TBC1D4: variants seen among roughly 807,000 people sequenced by gnomAD.
TBC1D4 encodes the protein TBC1 domain family member 4.
A neutral mutation model predicts 142.5 loss-of-function variants in TBC1D4; 121 were observed. The observed-to-expected ratio is 0.85, with a 90% CI of 0.73 to 0.99. The LOEUF is 0.99. TBC1D4 is among the 50% of genes least tolerant of loss of function. The pLI is 0.00. For synonymous variants in TBC1D4, 630 were observed against 628.2 expected, an observed-to-expected ratio of 1.00 and a Z score of -0.04; for missense variants, 1,475 against 1,606.6, an observed-to-expected ratio of 0.92 and a Z score of 1.40.
intron 1 of TBC1D4, among the ~76,000 whole-genome samples, chr13:75,441,279 A>G (rs573149350): frequency 1.3e-5 from 2 of 152,252 alleles, no homozygotes; most frequent in Admixed American, 1.3e-4. Flanking sequence ...GAGGGGGTAC[A>G]AGGCATGATT....
In TBC1D4 at chr13:75,287,038, G is replaced by A. The variant is rs113718837; in HGVS notation, c.3664-13C>T. The A allele has an allele frequency of 8.7e-6, 14 of 1,604,180 alleles. No individual in the cohort carries two copies. Among genetic ancestry groups the A allele is most frequent in the Middle Eastern group, 3.3e-4 (2 of 6,060 alleles). On this transcript the variant is annotated splice_polypyrimidine_tract_variant and intron_variant, in intron 20 of 20. Coordinates refer to ENST00000377636, the MANE Select transcript of TBC1D4 (RefSeq NM_014832.5). ...TAGTATGAGCTACCTGTTTGGGGGG[G>A]AAAAAATCCTCCAAATCAAATGATT...
In TBC1D4 at chr13:75,427,327, G is replaced by A. The variant is rs183575175; in HGVS notation, c.498+53943C>T. On this transcript the variant is annotated intron_variant, in intron 1 of 20. Coordinates refer to ENST00000377636, the MANE Select transcript of TBC1D4 (RefSeq NM_014832.5). ...CCTGACCTCGTGATCCACCCGCCTC[G>A]GCCCAAAATATAAACTTTTAAGTAT... is the stretch of plus-strand genomic sequence containing the variant. 1.8e-4 allele frequency among the ~76,000 whole-genome samples: 27 copies of A among 152,100 alleles called. No individual in the cohort carries two copies. The East Asian group carries it at 4.3e-3, about 24-fold the overall frequency.
At chr13:75,453,197 T>A (rs1197142992) in intron 1 of TBC1D4, among the ~76,000 whole-genome samples, 1 of 151,774 alleles carries the variant, frequency 6.6e-6, no homozygotes, top group Non-Finnish European at 1.5e-5. Flanking sequence ...ATAAATAAGA[T>A]TTTTAGGTAG....
At chr13:75,471,257 T>C (rs1490804954) in intron 1 of TBC1D4, among the ~76,000 whole-genome samples, 5 of 152,120 alleles carry the variant, frequency 3.3e-5, no homozygotes, top group Admixed American at 1.3e-4. Context: ...TAGGTGACAG[T>C]CTCTATGTTA....
chr13:75,420,188 G>C (rs1182346680), intron 1 of TBC1D4, among the ~76,000 whole-genome samples: 1 of 152,190 alleles, frequency 6.6e-6, no homozygotes, highest in East Asian at 1.9e-4. Flanking sequence ...TCTTCCAGAA[G>C]GGGTGGGGGA....
At chr13:75,303,383 T>A (rs1204035927) in intron 15 of TBC1D4, among the ~76,000 whole-genome samples, 1 of 152,066 alleles carries the variant, frequency 6.6e-6, no homozygotes, top group South Asian at 2.1e-4. Context: ...CAGAACAACA[T>A]TCGGGCTTTG....
intron 1 of TBC1D4, among the ~76,000 whole-genome samples, chr13:75,370,331 T>C (rs770988362): frequency 6.6e-6 from 1 of 152,170 alleles, no homozygotes; most frequent in Non-Finnish European, 1.5e-5. Context: ...AGAAAGCCCC[T>C]GGTACAGTGC....
intron 17 of TBC1D4, 55 bp from the exon 18 acceptor site, chr13:75,295,068 C>G (rs1875765859): frequency 1.3e-6 from 2 of 1,482,934 alleles, no homozygotes; most frequent in African/African-American, 2.8e-5. Flanking sequence ...GCATGTGCAT[C>G]AAACACACTG....
chr13:75,448,492 C>T (rs1887390268), intron 1 of TBC1D4, among the ~76,000 whole-genome samples: 1 of 150,504 alleles, frequency 6.6e-6, no homozygotes, highest in Non-Finnish European at 1.5e-5. Flanking sequence ...CGCTTGAACC[C>T]GTTAGGTGGA....
intron 18 of TBC1D4, among the ~76,000 whole-genome samples, chr13:75,294,097 G>A (rs1875623182): frequency 6.6e-6 from 1 of 152,136 alleles, no homozygotes; most frequent in Non-Finnish European, 1.5e-5. Flanking sequence ...ATGAAGAGTT[G>A]GTTGTTGTTG....
chr13:75,335,314 C>T (rs533813426), intron 8 of TBC1D4, among the ~76,000 whole-genome samples: 96 of 152,316 alleles, frequency 6.3e-4, no homozygotes, highest in African/African-American at 2.2e-3. Flanking sequence ...CCCCATGCCA[C>T]AGCCCAGAAC....
chr13:75,292,016 G>T, intron 19 of TBC1D4, 86 bp downstream of exon 19: 2 of 1,167,166 alleles, frequency 1.7e-6, no homozygotes, highest in Non-Finnish European at 2.4e-6. Context: ...TATCTGTCAA[G>T]CAAAGCTACA....
At chr13:75,395,472 A>G (rs1294535053) in intron 1 of TBC1D4, among the ~76,000 whole-genome samples, 1 of 152,184 alleles carries the variant, frequency 6.6e-6, no homozygotes, top group African/African-American at 2.4e-5. Flanking sequence ...GATTCCTGGT[A>G]TTTCTCTATG....
chr13:75,462,132 A>T (rs1343006153), intron 1 of TBC1D4, among the ~76,000 whole-genome samples: 1 of 152,144 alleles, frequency 6.6e-6, no homozygotes, highest in Non-Finnish European at 1.5e-5. Flanking sequence ...CATAACCAAG[A>T]ATTACCCTCT....
chr13:75,341,434 T>C, intron 6 of TBC1D4, 62 bp downstream of exon 6: 1 of 1,530,474 alleles, frequency 6.5e-7, no homozygotes. Context: ...CAGGAACGCA[T>C]AAAAACAGGA....
At chr13:75,399,467 G>A (rs1397731160) in intron 1 of TBC1D4, among the ~76,000 whole-genome samples, 1 of 151,804 alleles carries the variant, frequency 6.6e-6, no homozygotes, top group Non-Finnish European at 1.5e-5. Flanking sequence ...GGGGGCTGGG[G>A]GACAAATAAC....
At position 75,362,702 on chromosome 13, in the gene TBC1D4, A is replaced by C. The variant is rs1374146044; in HGVS notation, c.499-95T>G. 7 of 1,317,634 alleles carry C rather than the reference A, an allele frequency of 5.3e-6. No individual in the cohort carries two copies. Among genetic ancestry groups the C allele is most frequent in the Non-Finnish European group, 7.5e-6 (7 of 930,662 alleles). 81.6% of individuals were successfully genotyped at this position (1,317,634 alleles called of 1,614,324 possible). A position where few individuals can be genotyped will look rare whatever the true frequency, so the allele number is the denominator to read the frequency against. ...TTATTACCACATGGAATGTATTTTC[A>C]TCCTAAATAATATACAAAGTAATAG... is the stretch of plus-strand genomic sequence containing the variant. On this transcript the variant is annotated intron_variant, in intron 1 of 20. Coordinates refer to ENST00000377636, the MANE Select transcript of TBC1D4 (RefSeq NM_014832.5). The surrounding 1 kb of genome is among the most constrained non-coding windows in gnomAD (Gnocchi z 4.2).
intron 1 of TBC1D4, among the ~76,000 whole-genome samples, chr13:75,435,880 G>C (rs1056515303): frequency 1.3e-5 from 2 of 152,150 alleles, no homozygotes; most frequent in South Asian, 4.1e-4. Flanking sequence ...GACAGTAACT[G>C]GTTATAGCCC....
At chr13:75,425,225 T>C (rs889014494) in intron 1 of TBC1D4, among the ~76,000 whole-genome samples, 2 of 151,740 alleles carry the variant, frequency 1.3e-5, no homozygotes, top group African/African-American at 2.4e-5. Flanking sequence ...TGGTCAATAG[T>C]TGTAAGAAAA....
Sources: gnomAD v4.1 joint callset for allele counts (sites outside exome capture counted in the v4.1 genomes callset) on GRCh38, gnomAD v4.1.1 for gene constraint, Gnocchi (gnomAD v3.1) non-coding constraint, MANE v1.5 for transcripts, NCBI Gene and HGNC (gene_info 2026-07-23, HGNC 2026-07-21) for gene names.